MIS18BP1: variants seen among roughly 807,000 people sequenced by gnomAD.
MIS18BP1 encodes the protein MIS18 binding protein 1, also known as mis18-binding protein 1.
In MIS18BP1, 72 loss-of-function variants were observed where a neutral mutation model predicts 116.1. The ratio of observed to expected loss-of-function variants is 0.62; its 90% CI spans 0.51 to 0.75. The LOEUF (loss-of-function observed/expected upper bound fraction) is 0.75. Among genes scored for constraint, MIS18BP1 ranks in the 30% least tolerant of loss-of-function variants. The pLI is 0.00. For synonymous variants in MIS18BP1, 386 were observed against 427.0 expected, an observed-to-expected ratio of 0.90 and a Z score of 1.18; for missense variants, 1,363 against 1,303.2, an observed-to-expected ratio of 1.05 and a Z score of -0.71.
rs778773807 is a variant in MIS18BP1, at chr14:45,224,165, T to A, written c.2422A>T (p.Arg808Ter). 1.1e-5 allele frequency: 17 copies of A among 1,614,024 alleles called. No homozygotes were observed. The highest frequency in any genetic ancestry group is 1.4e-5 in the Non-Finnish European group (16 of 1,179,990). The part of the protein sequence containing the change: ...EAVVHLRKST[R>*]NTSNIPVILE... The stretch of plus-strand genomic sequence containing the variant: ...ATCACTGGAATATTACTTGTGTTTC[T>A]TGTGCTCTTTCTCAGGTGAACCACT... The change falls in exon 11 of 17, where the codon AGA becomes TGA. Residue 808 changes from arginine to a stop codon, truncating the protein, a stop_gained. Coordinates refer to ENST00000310806, the MANE Select transcript of MIS18BP1 (RefSeq NM_018353.5). LOFTEE classifies it high-confidence loss of function.
intron 11 of MIS18BP1, among the ~76,000 whole-genome samples, chr14:45,219,091 C>T (rs1890902614): frequency 6.6e-6 from 1 of 152,148 alleles, no homozygotes; most frequent in South Asian, 2.1e-4. Flanking sequence ...CCCACTCTCC[C>T]CATAAAGATT....
At chr14:45,225,611 A>G (rs1253670637) in intron 10 of MIS18BP1, among the ~76,000 whole-genome samples, 1 of 152,136 alleles carries the variant, frequency 6.6e-6, no homozygotes, top group Non-Finnish European at 1.5e-5. Context: ...ATAGAAACAC[A>G]CTCAAAATGA....
Position 45,204,151 on chromosome 14 carries a change from T to C in MIS18BP1, c.3357A>G (p.Glu1119=), listed in dbSNP as rs769409396. 3.7e-6 allele frequency: 6 copies of C among 1,611,634 alleles called. No homozygotes were observed. Among genetic ancestry groups the C allele is most frequent in the Non-Finnish European group, 3.4e-6 (4 of 1,178,982 alleles). ...TCGAAAAATAATAATCTTTCTCTTC[T>C]TCATCTAAAGATTCCACAGCATTAG... ...LFTNAVESLD[E]EEKDYYFSNS... Residue 1119 remains glutamate (E), a synonymous_variant, in exon 17 of 17, where the codon GAA becomes GAG. Coordinates refer to ENST00000310806, the MANE Select transcript of MIS18BP1 (RefSeq NM_018353.5).
At chr14:45,204,985 G>A (rs1890474160) in intron 15 of MIS18BP1, among the ~76,000 whole-genome samples, 1 of 151,938 alleles carries the variant, frequency 6.6e-6, no homozygotes, top group South Asian at 2.1e-4. Flanking sequence ...GAAATTCTTG[G>A]CTAAAATGGT....
intron 7 of MIS18BP1, among the ~76,000 whole-genome samples, chr14:45,232,210 A>T (rs1208233572): frequency 1.3e-5 from 2 of 151,862 alleles, no homozygotes; most frequent in Admixed American, 6.6e-5. Context: ...AGGTCAGGAG[A>T]TCGAGACCAT....
At chr14:45,246,510 T>C (rs1046035412) in intron 2 of MIS18BP1, among the ~76,000 whole-genome samples, 3 of 152,142 alleles carry the variant, frequency 2.0e-5, no homozygotes, top group Admixed American at 2.0e-4. Flanking sequence ...CTCCAACTCT[T>C]CCCATCATCC....
chr14:45,240,908 A>G (rs1487157293), intron 4 of MIS18BP1, among the ~76,000 whole-genome samples: 1 of 152,052 alleles, frequency 6.6e-6, no homozygotes, highest in Admixed American at 6.5e-5. Flanking sequence ...TCTCCAAAAT[A>G]AATAAATAAA....
At chr14:45,231,816 C>T (rs1023921036) in intron 7 of MIS18BP1, among the ~76,000 whole-genome samples, 1 of 151,988 alleles carries the variant, frequency 6.6e-6, no homozygotes, top group Non-Finnish European at 1.5e-5. Flanking sequence ...GTTTAAAGTC[C>T]GTATCCCCTA....
rs1453312603 is a variant in MIS18BP1, at chr14:45,203,539, TATGCCTATCACAAGTTTAAAATAAA to T, written c.*545_*569del. ...ACTAAATTTACAAAGGTTTCATAGA[TATGCCTATCACAAGTTTAAAATAAA>T]AACAATCAGGAGAGAAGCATGTCAA... On this transcript the variant is annotated 3_prime_UTR_variant, in exon 17 of 17. Coordinates refer to ENST00000310806, the MANE Select transcript of MIS18BP1 (RefSeq NM_018353.5). The T allele has an allele frequency of 6.6e-6, 1 of 152,154 alleles. No homozygotes were observed. The highest frequency in any genetic ancestry group is 2.4e-5 in the African/African-American group (1 of 41,450). 9.4% of individuals were successfully genotyped at this position (152,154 alleles called of 1,614,324 possible). A position where few individuals can be genotyped will look rare whatever the true frequency, so the allele number is the denominator to read the frequency against.
intron 14 of MIS18BP1, among the ~76,000 whole-genome samples, chr14:45,208,204 C>T (rs753744099): frequency 2.0e-5 from 3 of 151,752 alleles, no homozygotes; most frequent in Non-Finnish European, 4.4e-5. Context: ...TATAACTTTC[C>T]TTATTTTTGG....
chr14:45,214,191 T>TGAGATAAGAGGAAGGTA (rs1336841403), intron 13 of MIS18BP1, among the ~76,000 whole-genome samples: 1 of 152,160 alleles, frequency 6.6e-6, no homozygotes, highest in Non-Finnish European at 1.5e-5. Context: ...TCTTTGCAGT[T>TGAGATAAGAGGAAGGTA]GAGATAAGAG....
At chr14:45,216,928 C>A in intron 13 of MIS18BP1, 91 bp downstream of exon 13, 1 of 1,390,426 alleles carries the variant, frequency 7.2e-7, no homozygotes, top group Non-Finnish European at 9.9e-7. Context: ...GATCCTTGGC[C>A]TAAATATTAG....
In MIS18BP1 at chr14:45,235,904, C is replaced by G. The variant is rs1310050845; in HGVS notation, c.1258G>C (p.Glu420Gln). 1.9e-6 allele frequency: 3 copies of G among 1,611,400 alleles called. No individual in the cohort carries two copies. The highest frequency in any genetic ancestry group is 1.7e-5 in the Admixed American group (1 of 59,668). The change falls in exon 6 of 17, where the codon GAG becomes CAG. Residue 420 changes from glutamate to glutamine, a missense_variant. Coordinates refer to ENST00000310806, the MANE Select transcript of MIS18BP1 (RefSeq NM_018353.5). ...NIYWHSNVII[E>Q]RIEHNKLRTI... is the part of the protein sequence containing the mutation. ...CTAAGTTTGTTGTGCTCAATCCGCT[C>G]TATAATTACATTACTGTGCCAATAT...
intron 11 of MIS18BP1, among the ~76,000 whole-genome samples, chr14:45,220,287 T>C (rs1260091483): frequency 6.6e-6 from 1 of 152,158 alleles, no homozygotes; most frequent in Non-Finnish European, 1.5e-5. Context: ...ATATGCCCTC[T>C]TTCTTTATAC....
At chr14:45,241,728 G>A in intron 4 of MIS18BP1, 1 of 222,166 alleles carries the variant, frequency 4.5e-6, no homozygotes, top group East Asian at 1.2e-4. Flanking sequence ...AAAAAAAAGA[G>A]TAGGAATGAA....
At chr14:45,234,018 G>T (rs570239489) in intron 6 of MIS18BP1, among the ~76,000 whole-genome samples, 1 of 152,268 alleles carries the variant, frequency 6.6e-6, no homozygotes, top group South Asian at 2.1e-4. Flanking sequence ...AAAAAATGGA[G>T]AAATACACAA....
At chr14:45,232,880 C>T in intron 6 of MIS18BP1, 60 bp from the exon 7 acceptor site, 1 of 760,832 alleles carries the variant, frequency 1.3e-6, no homozygotes, top group South Asian at 1.6e-5. Context: ...AAACAGATAT[C>T]ATTAATTCAT....
chr14:45,247,164 A>C lies in MIS18BP1; in HGVS notation c.123T>G (p.Pro41=). The change falls in exon 2 of 17, where the codon CCT becomes CCG. Residue 41 remains proline, a synonymous_variant. Coordinates refer to ENST00000310806, the MANE Select transcript of MIS18BP1 (RefSeq NM_018353.5). ...TCTGATATTTCACCAAATCTTTTAC[A>C]GGAGTAAGTGTGCCTGAAGGAATGC... ...FDSIPSGTLT[P]VKDLVKYQNS... 1 of 1,613,082 alleles carries C rather than the reference A, an allele frequency of 6.2e-7. No homozygotes were observed. Among genetic ancestry groups the C allele is most frequent in the Admixed American group, 1.7e-5 (1 of 60,018 alleles).
Position 45,235,883 on chromosome 14 carries a change from G to A in MIS18BP1, c.1279C>T (p.Leu427Phe), listed in dbSNP as rs1349771414. 1.2e-6 allele frequency: 2 copies of A among 1,611,284 alleles called. No homozygotes were observed. The highest frequency in any genetic ancestry group is 1.1e-5 in the South Asian group (1 of 90,820). The change falls in exon 6 of 17, where the codon CTT (leucine) becomes TTT (phenylalanine). Residue 427 changes from leucine (L) to phenylalanine (F), a missense_variant. By Grantham distance (22) the Leu-to-Phe change is conservative. Coordinates refer to ENST00000310806, the MANE Select transcript of MIS18BP1 (RefSeq NM_018353.5). ...TAAACGTTGCCTGATATAGTCCTAA[G>A]TTTGTTGTGCTCAATCCGCTCTATA... ...VIIERIEHNK[L>F]RTISGNVYIL...
Sources: allele counts gnomAD v4.1 joint callset (sites outside exome capture counted in the v4.1 genomes callset), GRCh38; gene constraint gnomAD v4.1.1; transcripts MANE v1.5; gene names NCBI Gene and HGNC (gene_info 2026-07-23, HGNC 2026-07-21).